Variants in GRIK5 observed in about 807,000 individuals in gnomAD.
GRIK5 encodes the protein glutamate receptor ionotropic, kainate 5.
In GRIK5, 43 loss-of-function variants were observed where a neutral mutation model predicts 97.4. The ratio of observed to expected loss-of-function variants is 0.44; its 90% CI spans 0.35 to 0.57. The LOEUF (loss-of-function observed/expected upper bound fraction) is 0.57. Ranked by LOEUF, GRIK5 falls within the 20% of genes least tolerant of loss-of-function variation. The pLI is 0.01. For missense variants in GRIK5, 1,015 were observed against 1,382.0 expected (o/e 0.73, Z 4.21); for synonymous variants, 580 against 583.5 (o/e 0.99, Z 0.09).
chr19:42,021,420 G>GA lies in GRIK5; in HGVS notation c.1751_1752insT (p.Ile585HisfsTer73). On this transcript the variant is annotated frameshift_variant, in exon 15 of 20. Transcript: ENST00000593562. LOFTEE classifies it high-confidence loss of function. This position sits in a 1 kb window ranked among gnomAD's most constrained non-coding sequence, Gnocchi z 4.2. The stretch of plus-strand genomic sequence containing the variant: ...CCAGCGTGTACTGGTTCTCCAGGAT[G>GA]TGGGGGCGTGCCCGCAGGCATGGGT... 6.2e-7 allele frequency: 1 copy of GA among 1,609,940 alleles called. No homozygotes were observed. Among genetic ancestry groups the GA allele is most frequent in the Non-Finnish European group, 8.5e-7 (1 of 1,177,492 alleles).
intron 3 of GRIK5, 150 bp from the exon 4 acceptor site, chr19:42,063,005 C>G (rs2076281614): frequency 1.6e-6 from 1 of 640,812 alleles, no homozygotes; most frequent in Non-Finnish European, 2.8e-6. Context: ...GAAGGCCAGT[C>G]TCTGACCCCA....
chr19:42,047,969 T>C (rs1363400332), intron 11 of GRIK5, among the ~76,000 whole-genome samples: 2 of 116,878 alleles, frequency 1.7e-5, no homozygotes, highest in Admixed American at 1.0e-4. Context: ...TGAGACTCTG[T>C]CTCAAAAAAA....
chr19:42,036,794 C>CTA (rs1458280596), intron 12 of GRIK5, among the ~76,000 whole-genome samples: 1 of 152,214 alleles, frequency 6.6e-6, no homozygotes, highest in Non-Finnish European at 1.5e-5. Context: ...GGGGACATAG[C>CTA]TAAGTAGACA....
rs1267713202 is a variant in GRIK5, at chr19:42,003,175, C to T, written c.2514+157G>A. On this transcript the variant is annotated intron_variant, in intron 19 of 19. Transcript: ENST00000593562. This position sits in a 1 kb window ranked among gnomAD's most constrained non-coding sequence, Gnocchi z 4.2. Reference sequence around the variant, plus strand: ...CTTCCTCACGCGCTGATTCTCTGGCCCCATCAGCTCTCTTACTTCCCCACC... The same window carrying T: ...CTTCCTCACGCGCTGATTCTCTGGCTCCATCAGCTCTCTTACTTCCCCACC... Among the ~76,000 whole-genome samples the T allele has an allele frequency of 6.6e-6, 1 of 152,046 alleles. No homozygotes were observed. The highest frequency in any genetic ancestry group is 1.5e-5 in the Non-Finnish European group (1 of 68,012).
chr19:42,013,364 A>C (rs1378738375), intron 15 of GRIK5, among the ~76,000 whole-genome samples: 1 of 151,560 alleles, frequency 6.6e-6, no homozygotes, highest in African/African-American at 2.4e-5. Context: ...AATAAAAATA[A>C]AGATAAATAT....
chr19:42,063,899 C>T (rs2076292644), intron 3 of GRIK5, among the ~76,000 whole-genome samples: 1 of 152,134 alleles, frequency 6.6e-6, no homozygotes, highest in Admixed American at 6.5e-5. Flanking sequence ...GTTTCTGCCA[C>T]CTCTAACTAA....
At chr19:42,040,707 T>C (rs1398211865) in intron 12 of GRIK5, among the ~76,000 whole-genome samples, 1 of 151,842 alleles carries the variant, frequency 6.6e-6, no homozygotes, top group Non-Finnish European at 1.5e-5. Flanking sequence ...AATACAAAAA[T>C]CAGCCAGGCA....
At chr19:42,005,631 C>T in intron 17 of GRIK5, 92 bp downstream of exon 17, 6 of 835,670 alleles carry the variant, frequency 7.2e-6, no homozygotes, top group Non-Finnish European at 6.0e-6. Flanking sequence ...ACCCAGCCTG[C>T]CTCGGGGGTG....
At chr19:42,007,460 A>C (rs1218505362) in intron 15 of GRIK5, among the ~76,000 whole-genome samples, 1 of 152,162 alleles carries the variant, frequency 6.6e-6, no homozygotes, top group Admixed American at 6.5e-5. Flanking sequence ...AGAGAAACAA[A>C]ATGAGTCTTA....
chr19:42,036,522 A>G (rs2075907496), intron 12 of GRIK5, among the ~76,000 whole-genome samples: 1 of 150,520 alleles, frequency 6.6e-6, no homozygotes, highest in Non-Finnish European at 1.5e-5. Flanking sequence ...ACTTGGCTAA[A>G]TTTTTTCAAT....
At chr19:42,029,574 G>T (rs1049229845) in intron 12 of GRIK5, among the ~76,000 whole-genome samples, 1 of 152,038 alleles carries the variant, frequency 6.6e-6, no homozygotes, top group Non-Finnish European at 1.5e-5. Context: ...GTGAGACTTC[G>T]TCTCAAAACA....
rs1358150317 is a variant in GRIK5, at chr19:42,062,489, C to T, written c.507G>A (p.Glu169=). 1 of 1,613,988 alleles carries T rather than the reference C, an allele frequency of 6.2e-7. No homozygotes were observed. The highest frequency in any genetic ancestry group is 8.5e-7 in the Non-Finnish European group (1 of 1,180,008). The change falls in exon 5 of 20, where the codon GAG becomes GAA. Residue 169 remains glutamate (E), a splice_region_variant and synonymous_variant. Transcript: ENST00000593562. This position sits in a 1 kb window ranked among gnomAD's most constrained non-coding sequence, Gnocchi z 5.3. Reference sequence around the variant, plus strand: ...ACAAAACATTCAGTTCTCCCTCACACTCAGCCTTGGCGCAGATGAGGCTGG... The same window carrying T: ...ACAAAACATTCAGTTCTCCCTCACATTCAGCCTTGGCGCAGATGAGGCTGG... ...PSASLICAKA[E]CLLRLEELVR... is the part of the protein sequence containing the mutation.
intron 12 of GRIK5, among the ~76,000 whole-genome samples, chr19:42,041,471 C>T (rs747622813): frequency 3.9e-4 from 60 of 152,326 alleles, no homozygotes; most frequent in African/African-American, 1.4e-3. Context: ...CTTGTCCCCA[C>T]GTCCCGTAAC....
At position 42,042,798 on chromosome 19, in the gene GRIK5, A is replaced by G. The variant is rs2075995313; in HGVS notation, c.1270-43T>C. ...AGCAGGGGTCAGAGGCTGGGTGTCTAGTGGCTGGGTTGCGGATCCTGGAGC... is the reference window on the plus strand; with the variant it reads ...AGCAGGGGTCAGAGGCTGGGTGTCTGGTGGCTGGGTTGCGGATCCTGGAGC... On this transcript the variant is annotated intron_variant, in intron 11 of 19. Coordinates refer to ENST00000593562, the MANE Select transcript of GRIK5 (RefSeq NM_002088.5). This position sits in a 1 kb window ranked among gnomAD's most constrained non-coding sequence, Gnocchi z 6.9. The G allele has an allele frequency of 3.3e-6, 5 of 1,530,716 alleles. No individual in the cohort carries two copies. Among genetic ancestry groups the G allele is most frequent in the Middle Eastern group, 3.4e-4 (2 of 5,882 alleles). 94.8% of individuals were successfully genotyped at this position (1,530,716 alleles called of 1,614,324 possible).
Position 42,056,838 on chromosome 19 carries a change from A to T in GRIK5, c.742-15T>A. 6.2e-7 allele frequency: 1 copy of T among 1,614,030 alleles called. No individual in the cohort carries two copies. Among genetic ancestry groups the T allele is most frequent in the Non-Finnish European group, 8.5e-7 (1 of 1,179,916 alleles). ...ATGGGGAAGTCCTGGGACCAGGAAG[A>T]GGTGGTGAGGCCTGGGGCTAAGCCC... is the stretch of plus-strand genomic sequence containing the variant. On this transcript the variant is annotated splice_polypyrimidine_tract_variant and intron_variant, in intron 7 of 19. Transcript: ENST00000593562.
At position 42,021,254 on chromosome 19, in the gene GRIK5, T is replaced by C. The variant is rs780292493; in HGVS notation, c.1871+47A>G. On this transcript the variant is annotated intron_variant, in intron 15 of 19. Transcript: ENST00000593562. This position sits in a 1 kb window ranked among gnomAD's most constrained non-coding sequence, Gnocchi z 4.2. ...GCCCCAACCCCATCCAGGCCTCAGA[T>C]GGGTCCCTCCCTCGCCCCGGGCAGA... 2.0e-6 allele frequency: 3 copies of C among 1,529,596 alleles called. No homozygotes were observed. Among genetic ancestry groups the C allele is most frequent in the East Asian group, 4.6e-5 (2 of 43,702 alleles). 94.8% of individuals were successfully genotyped at this position (1,529,596 alleles called of 1,614,324 possible).
At chr19:42,034,888 C>G (rs1468092847) in intron 12 of GRIK5, among the ~76,000 whole-genome samples, 1 of 152,098 alleles carries the variant, frequency 6.6e-6, no homozygotes, top group East Asian at 1.9e-4. Context: ...ACAAGGAGCA[C>G]CTCTGCTCAT....
chr19:42,063,711 A>C (rs889508955), intron 3 of GRIK5, among the ~76,000 whole-genome samples: 1 of 152,200 alleles, frequency 6.6e-6, no homozygotes, highest in Non-Finnish European at 1.5e-5. Flanking sequence ...CAGGCCTCAG[A>C]GGTAAAGACA....
intron 3 of GRIK5, chr19:42,063,555 C>G: frequency 2.9e-6 from 1 of 343,530 alleles, no homozygotes; most frequent in South Asian, 2.2e-5. Context: ...GGGTGCAAAT[C>G]AGACCATGGA....
Sources: gnomAD v4.1 joint callset for allele counts (sites outside exome capture counted in the v4.1 genomes callset) on GRCh38, gnomAD v4.1.1 for gene constraint, Gnocchi (gnomAD v3.1) non-coding constraint, MANE v1.5 for transcripts, NCBI Gene and HGNC (gene_info 2026-07-23, HGNC 2026-07-21) for gene names.